DIP2C: variants seen among roughly 807,000 people sequenced by gnomAD.
DIP2C encodes the protein disco-interacting protein 2 homolog C.
A neutral mutation model predicts 192.4 loss-of-function variants in DIP2C; 33 were observed. The observed-to-expected ratio is 0.17, with a 90% CI of 0.13 to 0.23. The LOEUF (loss-of-function observed/expected upper bound fraction) is 0.23. DIP2C is among the 10% of genes least tolerant of loss of function. The pLI, the probability that DIP2C is intolerant of heterozygous loss-of-function variation, is 1.00. For missense variants in DIP2C, 1,537 were observed against 2,110.1 expected (o/e 0.73, Z 5.32); for synonymous variants, 979 against 864.1 (o/e 1.13, Z -2.33).
chr10:462,559 G>T (rs982224873), intron 3 of DIP2C, among the ~76,000 whole-genome samples: 5 of 152,108 alleles, frequency 3.3e-5, no homozygotes, highest in Non-Finnish European at 7.3e-5. Flanking sequence ...AAAAGTCCAG[G>T]ACCAGACGAA....
intron 3 of DIP2C, among the ~76,000 whole-genome samples, chr10:454,146 GGCT>G (rs1969086428): frequency 1.3e-5 from 2 of 152,112 alleles, no homozygotes; most frequent in South Asian, 4.2e-4. Context: ...TTTCTGCTGT[GGCT>G]GCTAACAGTT....
At chr10:391,462 C>T (rs1322172014) in intron 10 of DIP2C, among the ~76,000 whole-genome samples, 1 of 152,188 alleles carries the variant, frequency 6.6e-6, no homozygotes, top group African/African-American at 2.4e-5. Flanking sequence ...ACTGGAGACA[C>T]CAGATACAGG....
At chr10:530,071 C>A (rs1847276727) in intron 1 of DIP2C, among the ~76,000 whole-genome samples, 1 of 152,256 alleles carries the variant, frequency 6.6e-6, no homozygotes, top group Non-Finnish European at 1.5e-5. Flanking sequence ...GCACACGATG[C>A]CGAGTCTCCA....
chr10:477,836 G>A (rs1366603702), intron 2 of DIP2C, among the ~76,000 whole-genome samples: 5 of 133,624 alleles, frequency 3.7e-5, no homozygotes, highest in East Asian at 2.3e-4. Context: ...AAGGAGAAGG[G>A]AGAAAGAAAA....
chr10:568,695 G>A (rs951447252), intron 1 of DIP2C, among the ~76,000 whole-genome samples: 30 of 147,718 alleles, frequency 2.0e-4, no homozygotes, highest in Admixed American at 8.3e-4. Context: ...GAACCCGGGA[G>A]GCGGAGCTTG....
chr10:554,179 AAT>A (rs1326530120), intron 1 of DIP2C, among the ~76,000 whole-genome samples: 2 of 152,196 alleles, frequency 1.3e-5, no homozygotes, highest in African/African-American at 4.8e-5. Flanking sequence ...ACAAGCAAGA[AAT>A]ATACATCACA....
chr10:565,573 C>G (rs191600839), intron 1 of DIP2C, among the ~76,000 whole-genome samples: 4 of 152,272 alleles, frequency 2.6e-5, no homozygotes, highest in Admixed American at 2.6e-4. Context: ...ACTAACCCAA[C>G]TTCACCTAGA....
chr10:457,661 TC>T lies in DIP2C; in HGVS notation c.268+14777del, dbSNP rs1969410879. ...GCCTCCAGCTCCTAGGTTGAAGTGA[TC>T]CTTCCACCTCAGCCCCCTGGGTAGC... On this transcript the variant is annotated intron_variant, in intron 3 of 36. Coordinates refer to ENST00000280886, the MANE Select transcript of DIP2C (RefSeq NM_014974.3). 2.0e-5 allele frequency among the ~76,000 whole-genome samples: 3 copies of T among 152,148 alleles called. No homozygotes were observed. The South Asian group carries it at 6.2e-4, about 32-fold the overall frequency.
chr10:601,933 A>T (rs1260332620), intron 1 of DIP2C, among the ~76,000 whole-genome samples: 1 of 152,136 alleles, frequency 6.6e-6, no homozygotes, highest in Non-Finnish European at 1.5e-5. Flanking sequence ...GTTCTGATTG[A>T]TCAGTGGGAA....
intron 1 of DIP2C, among the ~76,000 whole-genome samples, chr10:542,613 G>A (rs956834860): frequency 6.6e-6 from 1 of 152,212 alleles, no homozygotes; most frequent in Non-Finnish European, 1.5e-5. Flanking sequence ...GGGAATGGAG[G>A]GTTCTAACCC....
intron 19 of DIP2C, 131 bp downstream of exon 19, chr10:366,144 C>T (rs753236598): frequency 1.1e-5 from 15 of 1,308,886 alleles, no homozygotes; most frequent in Admixed American, 9.5e-5. Flanking sequence ...AAAGTGCCAT[C>T]GTTTTCATTC....
chr10:544,987 AAC>A (rs550505623), intron 1 of DIP2C, among the ~76,000 whole-genome samples: 524 of 152,210 alleles, frequency 3.4e-3, no homozygotes, highest in Middle Eastern at 0.01. Context: ...AATTCAACGT[AAC>A]AGTTTCACCT....
intron 32 of DIP2C, among the ~76,000 whole-genome samples, chr10:303,962 G>C (rs1345540059): frequency 6.6e-6 from 1 of 152,132 alleles, no homozygotes; most frequent in Non-Finnish European, 1.5e-5. Flanking sequence ...AGGGTCTTTA[G>C]GGCAATGACA....
intron 23 of DIP2C, 75 bp downstream of exon 23, chr10:357,753 G>T: frequency 8.8e-7 from 1 of 1,142,626 alleles, no homozygotes; most frequent in Non-Finnish European, 1.3e-6. Flanking sequence ...GGTACTGTCG[G>T]GGATGGTCGC....
chr10:452,419 G>A (rs948076723), intron 3 of DIP2C, among the ~76,000 whole-genome samples: 1 of 152,150 alleles, frequency 6.6e-6, no homozygotes, highest in Admixed American at 6.5e-5. Flanking sequence ...CCTGCCCAGG[G>A]GTGAAGAGCA....
At chr10:348,580 G>A (rs190060806) in intron 26 of DIP2C, 61 bp downstream of exon 26, 99 of 1,578,984 alleles carry the variant, frequency 6.3e-5, no homozygotes, top group East Asian at 1.8e-4. Context: ...GAGTCTGCGC[G>A]TTGCAAGCTC....
In DIP2C at chr10:276,443, G is replaced by C. The variant is rs1954522742; in HGVS notation, c.*882C>G. On this transcript the variant is annotated 3_prime_UTR_variant, in exon 37 of 37. Coordinates refer to ENST00000280886, the MANE Select transcript of DIP2C (RefSeq NM_014974.3). ...ACTTTAAAATCTCCTTTGTTCATTAGTGAATTTATATTTCATATATATATA... is the reference window on the plus strand; with the variant it reads ...ACTTTAAAATCTCCTTTGTTCATTACTGAATTTATATTTCATATATATATA... 6.6e-6 allele frequency: 1 copy of C among 152,610 alleles called. No individual in the cohort carries two copies. Among genetic ancestry groups the C allele is most frequent in the South Asian group, 2.1e-4 (1 of 4,834 alleles). 9.5% of individuals were successfully genotyped at this position (152,610 alleles called of 1,614,324 possible). A position where few individuals can be genotyped will look rare whatever the true frequency, so the allele number is the denominator to read the frequency against.
At chr10:624,047 T>C (rs1854043668) in intron 1 of DIP2C, among the ~76,000 whole-genome samples, 1 of 152,238 alleles carries the variant, frequency 6.6e-6, no homozygotes, top group Non-Finnish European at 1.5e-5. Flanking sequence ...ACCCTGCTCC[T>C]TCTCTCTGCA....
intron 14 of DIP2C, 84 bp from the exon 15 acceptor site, chr10:384,723 C>A: frequency 7.3e-7 from 1 of 1,375,940 alleles, no homozygotes; most frequent in Non-Finnish European, 1.0e-6. Flanking sequence ...GGACACTAGG[C>A]CGCACGGGCA....
Sources: gnomAD v4.1 joint callset for allele counts (sites outside exome capture counted in the v4.1 genomes callset) on GRCh38, gnomAD v4.1.1 for gene constraint, MANE v1.5 for transcripts, NCBI Gene and HGNC (gene_info 2026-07-23, HGNC 2026-07-21) for gene names.